The following B3GALT1 variants were observed in gnomAD, a reference collection of about 807,000 sequenced individuals.
B3GALT1 encodes beta-1,3-galactosyltransferase 1.
In B3GALT1, 10 loss-of-function variants were observed where a neutral mutation model predicts 23.2. The ratio of observed to expected loss-of-function variants is 0.43; its 90% CI spans 0.27 to 0.73. The LOEUF (loss-of-function observed/expected upper bound fraction) is 0.73, where lower values mean the gene tolerates loss of function less well. B3GALT1 is among the 30% of genes least tolerant of loss of function. The pLI is 0.21. For missense variants in B3GALT1, 299 were observed against 405.4 expected (o/e 0.74, Z 2.25); for synonymous variants, 156 against 141.5 (o/e 1.10, Z -0.73).
intron 2 of B3GALT1, among the ~76,000 whole-genome samples, chr2:167,610,294 T>A (rs1685037122): frequency 6.6e-6 from 1 of 152,080 alleles, no homozygotes; most frequent in African/African-American, 2.4e-5. Flanking sequence ...AATGAGAAAT[T>A]TAACCGTGCT....
intron 2 of B3GALT1, among the ~76,000 whole-genome samples, chr2:167,601,070 T>A (rs1174724853): frequency 6.6e-6 from 1 of 152,144 alleles, no homozygotes; most frequent in African/African-American, 2.4e-5. Context: ...TTTGTTTGTT[T>A]GTTTGTTTGA....
intron 3 of B3GALT1, among the ~76,000 whole-genome samples, chr2:167,703,125 A>G (rs1323313343): frequency 1.3e-5 from 2 of 152,202 alleles, no homozygotes; most frequent in Non-Finnish European, 2.9e-5. Context: ...ATACTCTCCT[A>G]AATACTTTCA....
At chr2:167,486,102 C>T (rs1364464158) in intron 1 of B3GALT1, among the ~76,000 whole-genome samples, 1 of 152,180 alleles carries the variant, frequency 6.6e-6, no homozygotes, top group African/African-American at 2.4e-5. Context: ...TGGCTCACAC[C>T]TGTAATCTCA....
intron 2 of B3GALT1, among the ~76,000 whole-genome samples, chr2:167,627,060 T>C (rs1260786739): frequency 1.3e-5 from 2 of 151,748 alleles, no homozygotes; most frequent in Non-Finnish European, 3.0e-5. Context: ...CTCATCATTT[T>C]ATTTCCAGTG....
chr2:167,831,552 C>T (rs1689353273), intron 4 of B3GALT1, among the ~76,000 whole-genome samples: 1 of 151,936 alleles, frequency 6.6e-6, no homozygotes, highest in Admixed American at 6.6e-5. Flanking sequence ...GTATTATCTC[C>T]AGAAGAGAGA....
intron 3 of B3GALT1, among the ~76,000 whole-genome samples, chr2:167,647,566 A>G (rs987448433): frequency 6.6e-6 from 1 of 152,196 alleles, no homozygotes; most frequent in Admixed American, 6.6e-5. Flanking sequence ...AGAGGTGGTC[A>G]AACAATGACT....
intron 1 of B3GALT1, among the ~76,000 whole-genome samples, chr2:167,361,926 T>C (rs1697505464): frequency 6.6e-6 from 1 of 151,974 alleles, no homozygotes; most frequent in Non-Finnish European, 1.5e-5. Flanking sequence ...ATACAAAAAT[T>C]AGCTGGGCAT....
At chr2:167,373,724 C>T (rs1697719528) in intron 1 of B3GALT1, among the ~76,000 whole-genome samples, 1 of 152,006 alleles carries the variant, frequency 6.6e-6, no homozygotes, top group Non-Finnish European at 1.5e-5. Context: ...TATCCCGGCT[C>T]ATTTTTGTAT....
chr2:167,364,477 A>G (rs1015774706), intron 1 of B3GALT1, among the ~76,000 whole-genome samples: 5 of 151,984 alleles, frequency 3.3e-5, no homozygotes, highest in African/African-American at 9.7e-5. Context: ...TCCTAATGCT[A>G]TCCTTCCCCG....
At chr2:167,735,395 T>A (rs189403662) in intron 3 of B3GALT1, among the ~76,000 whole-genome samples, 1 of 152,362 alleles carries the variant, frequency 6.6e-6, no homozygotes, top group East Asian at 1.9e-4. Flanking sequence ...GACCTCCTGC[T>A]TCTACAGCAG....
chr2:167,779,020 A>G (rs1688206183), intron 3 of B3GALT1, among the ~76,000 whole-genome samples: 1 of 152,222 alleles, frequency 6.6e-6, no homozygotes, highest in South Asian at 2.1e-4. Flanking sequence ...ATGACATTGA[A>G]TGCAAATATT....
At chr2:167,558,887 A>G (rs561221252) in intron 2 of B3GALT1, among the ~76,000 whole-genome samples, 1 of 152,296 alleles carries the variant, frequency 6.6e-6, no homozygotes, top group African/African-American at 2.4e-5. Context: ...CAGGGCACAG[A>G]CAAACAAAAA....
At chr2:167,793,534 AAATG>A (rs72091075) in intron 3 of B3GALT1, among the ~76,000 whole-genome samples, 6,328 of 152,296 alleles carry the variant, frequency 0.042, 155 homozygotes, top group South Asian at 0.09. Context: ...ACTGCTGGGA[AAATG>A]ATTAGTTCGG....
chr2:167,477,133 A>G (rs1422384830), intron 1 of B3GALT1, among the ~76,000 whole-genome samples: 1 of 152,234 alleles, frequency 6.6e-6, no homozygotes, highest in African/African-American at 2.4e-5. Context: ...CCTCCCACTT[A>G]TAAGCATATG....
chr2:167,768,934 A>G (rs187516597), intron 3 of B3GALT1, among the ~76,000 whole-genome samples: 9 of 152,310 alleles, frequency 5.9e-5, no homozygotes. Context: ...TACCTTTGCT[A>G]TTCCATTTAG....
At chr2:167,779,989 A>G (rs1688220963) in intron 3 of B3GALT1, among the ~76,000 whole-genome samples, 1 of 152,228 alleles carries the variant, frequency 6.6e-6, no homozygotes, top group Non-Finnish European at 1.5e-5. Flanking sequence ...AATGTTAGAA[A>G]GATTATTTGC....
intron 3 of B3GALT1, among the ~76,000 whole-genome samples, chr2:167,775,263 AGG>A (rs1688141101): frequency 6.6e-6 from 1 of 152,146 alleles, no homozygotes; most frequent in Non-Finnish European, 1.5e-5. Flanking sequence ...ATGCAATAAA[AGG>A]TGTGTTTAAA....
Position 167,331,243 on chromosome 2 carries a change from A to G in B3GALT1, c.-511+37909A>G, listed in dbSNP as rs988841854. Among the ~76,000 whole-genome samples the G allele has an allele frequency of 4.6e-5, 7 of 152,288 alleles. No homozygotes were observed. In the East Asian group the frequency reaches 1.4e-3, roughly 29 times the overall value. ...GGGCCCTAATGATCACAGCGGGCTG[A>G]ACATGCTTGCCCTTGAGCCCCATGG... is the stretch of plus-strand genomic sequence containing the variant. On this transcript the variant is annotated intron_variant, in intron 1 of 4. Transcript: ENST00000392690.
chr2:167,643,834 A>C (rs1209339997), intron 2 of B3GALT1, among the ~76,000 whole-genome samples: 1 of 152,210 alleles, frequency 6.6e-6, no homozygotes, highest in African/African-American at 2.4e-5. Flanking sequence ...GGTCTGTGGG[A>C]GCAGTAATAC....
Sources: allele counts gnomAD v4.1 joint callset (sites outside exome capture counted in the v4.1 genomes callset), GRCh38; gene constraint gnomAD v4.1.1; transcripts MANE v1.5; gene names NCBI Gene and HGNC (gene_info 2026-07-23, HGNC 2026-07-21).